Variants in HIPK2 observed in about 807,000 individuals in gnomAD.
HIPK2 encodes the protein homeodomain interacting protein kinase 2.
A neutral mutation model predicts 113.7 loss-of-function variants in HIPK2; 27 were observed. The observed-to-expected ratio is 0.24, with a 90% CI of 0.17 to 0.33. HIPK2 has a LOEUF of 0.33. Among genes scored for constraint, HIPK2 ranks in the 10% least tolerant of loss-of-function variants. The pLI, the probability that HIPK2 is intolerant of heterozygous loss-of-function variation, is 1.00. For missense variants in HIPK2, 1,257 were observed against 1,588.0 expected (o/e 0.79, Z 3.54); for synonymous variants, 631 against 642.2 (o/e 0.98, Z 0.26).
Position 139,716,519 on chromosome 7 carries a change from G to A in HIPK2, c.516C>T (p.Thr172=). The change falls in exon 2 of 15, where the codon ACC becomes ACT. Residue 172 remains threonine (T), a synonymous_variant. Transcript: ENST00000406875. This position sits in a 1 kb window ranked among gnomAD's most constrained non-coding sequence, Gnocchi z 9.3. Reference sequence around the variant, plus strand: ...CGCTGTTGGAGCCGCTGTTTTTGGAGGTGGCAGTAGACGTGGTGGCAGTGG... The same window carrying A: ...CGCTGTTGGAGCCGCTGTTTTTGGAAGTGGCAGTAGACGTGGTGGCAGTGG... ...TVATATTSTA[T]SKNSGSNSEG... 1.9e-6 allele frequency: 3 copies of A among 1,614,024 alleles called. No individual in the cohort carries two copies. The highest frequency in any genetic ancestry group is 1.1e-5 in the South Asian group (1 of 91,078).
Position 139,632,503 on chromosome 7 carries a change from C to T in HIPK2, c.1104-778G>A, listed in dbSNP as rs1487545546. On this transcript the variant is annotated intron_variant, in intron 2 of 14. Coordinates refer to ENST00000406875, the MANE Select transcript of HIPK2 (RefSeq NM_022740.5). The stretch of plus-strand genomic sequence containing the variant: ...TCTTCTTAGAAGTTACCTAATATTA[C>T]AATTATAGAACCCCATTCATGAATA... Among the ~76,000 whole-genome samples the T allele has an allele frequency of 2.0e-5, 3 of 152,222 alleles. No homozygotes were observed. In the East Asian group the frequency reaches 5.8e-4, roughly 29 times the overall value.
chr7:139,592,259 G>A (rs745954539), intron 12 of HIPK2, among the ~76,000 whole-genome samples: 6 of 152,118 alleles, frequency 3.9e-5, no homozygotes, highest in Non-Finnish European at 7.3e-5. Flanking sequence ...CTGAAACAGT[G>A]GCTGCTTACA....
chr7:139,572,095 A>G lies in HIPK2; in HGVS notation c.*832T>C, dbSNP rs1287025085. 2 of 152,286 alleles carry G rather than the reference A, an allele frequency of 1.3e-5. No homozygotes were observed. The highest frequency in any genetic ancestry group is 2.9e-5 in the Non-Finnish European group (2 of 68,056). The allele number at this position is 152,286 out of a possible 1,614,324, so 9.4% of individuals were successfully genotyped here. A position where few individuals can be genotyped will look rare whatever the true frequency, so the allele number is the denominator to read the frequency against. ...ACGCTACGCGACTAGGGGTGGATTC[A>G]AAGAGAAAATACATTTTCAGAAAAG... On this transcript the variant is annotated 3_prime_UTR_variant, in exon 15 of 15. Transcript: ENST00000406875.
intron 1 of HIPK2, among the ~76,000 whole-genome samples, chr7:139,742,429 G>A (rs939798198): frequency 2.6e-5 from 4 of 152,144 alleles, no homozygotes; most frequent in Non-Finnish European, 4.4e-5. Context: ...CTTTAATATC[G>A]CAGTGCACAC....
At chr7:139,646,517 AAAG>A (rs1259356038) in intron 2 of HIPK2, among the ~76,000 whole-genome samples, 1 of 145,390 alleles carries the variant, frequency 6.9e-6, no homozygotes, top group Non-Finnish European at 1.5e-5. Context: ...AAAAAAAAAA[AAAG>A]GAAAGAAAGA....
chr7:139,763,782 C>A (rs1161255248), intron 1 of HIPK2, among the ~76,000 whole-genome samples: 2 of 152,358 alleles, frequency 1.3e-5, no homozygotes, highest in Non-Finnish European at 2.9e-5. Flanking sequence ...TTTGGTCATG[C>A]CTGCGCATGC....
In HIPK2 at chr7:139,569,810, A is replaced by G. The variant is rs1043376033; in HGVS notation, c.*3117T>C. Reference sequence around the variant, plus strand: ...AGTCTACTTATATACTCACAGAGAGAATAAGTTTAAATATTAAAGAGAAAA... The same window carrying G: ...AGTCTACTTATATACTCACAGAGAGGATAAGTTTAAATATTAAAGAGAAAA... On this transcript the variant is annotated 3_prime_UTR_variant, in exon 15 of 15. Coordinates refer to ENST00000406875, the MANE Select transcript of HIPK2 (RefSeq NM_022740.5). The G allele has an allele frequency of 6.6e-6, 1 of 152,086 alleles. No individual in the cohort carries two copies. Among genetic ancestry groups the G allele is most frequent in the Non-Finnish European group, 1.5e-5 (1 of 68,016 alleles). 9.4% of individuals were successfully genotyped at this position (152,086 alleles called of 1,614,324 possible). A position where few individuals can be genotyped will look rare whatever the true frequency, so the allele number is the denominator to read the frequency against.
Position 139,600,591 on chromosome 7 carries a change from G to T in HIPK2, c.2261C>A (p.Thr754Lys). 1 of 1,613,730 alleles carries T rather than the reference G, an allele frequency of 6.2e-7. No individual in the cohort carries two copies. Among genetic ancestry groups the T allele is most frequent in the Non-Finnish European group, 8.5e-7 (1 of 1,179,702 alleles). ...GTQQLADWRN[T>K]HAHGSHYNPI... Reference sequence around the variant, plus strand: ...ATTATAATGGCTTCCGTGAGCATGCGTATTTCTGAAAGGCAACCGGGACAA... The same window carrying T: ...ATTATAATGGCTTCCGTGAGCATGCTTATTTCTGAAAGGCAACCGGGACAA... The change falls in exon 11 of 15, where the codon ACG (threonine) becomes AAG (lysine). Residue 754 changes from threonine (T) to lysine (K), a missense_variant. By Grantham distance (78) the Thr-to-Lys change is moderately conservative (BLOSUM62 -1). Transcript: ENST00000406875.
At chr7:139,696,357 G>A (rs1168622443) in intron 2 of HIPK2, among the ~76,000 whole-genome samples, 2 of 152,132 alleles carry the variant, frequency 1.3e-5, no homozygotes, top group Non-Finnish European at 2.9e-5. Flanking sequence ...AGGATCACTT[G>A]AGGCCAGGAG....
chr7:139,691,161 C>T (rs1794393724), intron 2 of HIPK2, among the ~76,000 whole-genome samples: 2 of 152,322 alleles, frequency 1.3e-5, no homozygotes, highest in South Asian at 2.1e-4. Flanking sequence ...AAAACGCCCC[C>T]CTACCCTTAC....
Position 139,716,190 on chromosome 7 carries a change from T to C in HIPK2, c.845A>G (p.Gln282Arg), listed in dbSNP as rs1360191503. ...HTCLVFEMLE[Q>R]NLYDFLKQNK... Reference sequence around the variant, plus strand: ...TTGCTTCAGAAAGTCATAGAGGTTCTGCTCCAACATCTCGAAGACCAAGCA... The same window carrying C: ...TTGCTTCAGAAAGTCATAGAGGTTCCGCTCCAACATCTCGAAGACCAAGCA... The change falls in exon 2 of 15, where the codon CAG (glutamine) becomes CGG (arginine). Residue 282 changes from glutamine (Q) to arginine (R), a missense_variant. By Grantham distance (43) the Gln-to-Arg change is conservative (BLOSUM62 1). This residue lies in a region of HIPK2 where 78 missense variants were observed against 145.7 expected (regional missense o/e 0.54). Coordinates refer to ENST00000406875, the MANE Select transcript of HIPK2 (RefSeq NM_022740.5). The surrounding 1 kb of genome is among the most constrained non-coding windows in gnomAD (Gnocchi z 9.3). 6.2e-7 allele frequency: 1 copy of C among 1,613,954 alleles called. No homozygotes were observed. The highest frequency in any genetic ancestry group is 1.3e-5 in the African/African-American group (1 of 74,942).
At chr7:139,636,974 C>T (rs1411971819) in intron 2 of HIPK2, among the ~76,000 whole-genome samples, 2 of 152,130 alleles carry the variant, frequency 1.3e-5, no homozygotes, top group Non-Finnish European at 2.9e-5. Flanking sequence ...ATATTCCTTC[C>T]ACTGTCCTCC....
chr7:139,691,291 C>T (rs1290809830), intron 2 of HIPK2, among the ~76,000 whole-genome samples: 1 of 152,190 alleles, frequency 6.6e-6, no homozygotes, highest in Non-Finnish European at 1.5e-5. Flanking sequence ...AACCGAACAT[C>T]AAATAACACT....
Position 139,716,812 on chromosome 7 carries a change from T to A in HIPK2, c.223A>T (p.Asn75Tyr), listed in dbSNP as rs769698027. The A allele has an allele frequency of 5.6e-6, 9 of 1,613,758 alleles. No individual in the cohort carries two copies. In the South Asian group the frequency reaches 9.9e-5, roughly 18 times the overall value. ...TTVSTSLPVP[N>Y]PSLPYEQTIV... is the part of the protein sequence containing the mutation. ...GTCTGCTCGTAAGGTAGGCTTGGGT[T>A]TGGGACCGGCAAGGAGGTGCTGACG... The change falls in exon 2 of 15, where the codon AAC becomes TAC. Residue 75 changes from asparagine to tyrosine, a missense_variant. Around this residue, in one of 5 missense-constraint regions of HIPK2, gnomAD observed 209 missense variants for 237.8 expected, o/e 0.88. Coordinates refer to ENST00000406875, the MANE Select transcript of HIPK2 (RefSeq NM_022740.5). The surrounding 1 kb of genome is among the most constrained non-coding windows in gnomAD (Gnocchi z 9.3).
At position 139,569,475 on chromosome 7, in the gene HIPK2, A is replaced by G. The variant is rs1044874049; in HGVS notation, c.*3452T>C. 8 of 152,180 alleles carry G rather than the reference A, an allele frequency of 5.3e-5. No homozygotes were observed. Among genetic ancestry groups the G allele is most frequent in the African/African-American group, 1.9e-4 (8 of 41,434 alleles). The allele number at this position is 152,180 out of a possible 1,614,324, so 9.4% of individuals were successfully genotyped here. On this transcript the variant is annotated 3_prime_UTR_variant, in exon 15 of 15. Transcript: ENST00000406875. ...AGTTAACAGATTTCAGAAGCACAGG[A>G]GAGCTCTGAGGATGTGGGAGAGAAG...
intron 7 of HIPK2, among the ~76,000 whole-genome samples, chr7:139,619,645 A>G (rs1800168918): frequency 6.6e-6 from 1 of 152,168 alleles, no homozygotes; most frequent in Non-Finnish European, 1.5e-5. Context: ...CCAAAAGGAG[A>G]TCAGGTAGAT....
At chr7:139,728,935 C>T (rs945106739) in intron 1 of HIPK2, among the ~76,000 whole-genome samples, 1 of 152,122 alleles carries the variant, frequency 6.6e-6, no homozygotes. Context: ...TTAAATTAAG[C>T]TCTGCATGAG....
At position 139,716,441 on chromosome 7, in the gene HIPK2, G is replaced by A. The variant is rs1403034502; in HGVS notation, c.594C>T (p.Thr198=). Residue 198 remains threonine (T), a synonymous_variant, in exon 2 of 15, where the codon ACC becomes ACT. Coordinates refer to ENST00000406875, the MANE Select transcript of HIPK2 (RefSeq NM_022740.5). The surrounding 1 kb of genome is among the most constrained non-coding windows in gnomAD (Gnocchi z 9.3). ...GGCCCAAGAACTCTAAGACCTCGTA[G>A]GTGTTGGTCATGGAGCACAGCACCT... ...QHEVLCSMTN[T]YEVLEFLGRG... is the part of the protein sequence containing the mutation. The A allele has an allele frequency of 4.3e-6, 7 of 1,613,852 alleles. No individual in the cohort carries two copies. Among genetic ancestry groups the A allele is most frequent in the Non-Finnish European group, 5.9e-6 (7 of 1,179,898 alleles).
At chr7:139,699,139 CGT>C (rs1213155318) in intron 2 of HIPK2, among the ~76,000 whole-genome samples, 1 of 152,060 alleles carries the variant, frequency 6.6e-6, no homozygotes, top group Non-Finnish European at 1.5e-5. Context: ...CAGCAAGAAC[CGT>C]GAGACAGAGA....
Sources: gnomAD v4.1 joint callset for allele counts (sites outside exome capture counted in the v4.1 genomes callset) on GRCh38, gnomAD v4.1.1 for gene constraint, gnomAD v4.1.1 regional missense constraint, Gnocchi (gnomAD v3.1) non-coding constraint, MANE v1.5 for transcripts, NCBI Gene and HGNC (gene_info 2026-07-23, HGNC 2026-07-21) for gene names.